ACSS2: variants seen among roughly 807,000 people sequenced by gnomAD.
ACSS2 encodes the protein acyl-CoA synthetase short chain family member 2.
A neutral mutation model predicts 90.6 loss-of-function variants in ACSS2; 58 were observed. That is an observed-to-expected ratio of 0.64 (90% CI 0.52 to 0.80). ACSS2 has a LOEUF of 0.80. ACSS2 is among the 30% of genes least tolerant of loss of function. The pLI is 0.00. For missense variants in ACSS2, 759 were observed against 912.0 expected (o/e 0.83, Z 2.16); for synonymous variants, 300 against 330.9 (o/e 0.91, Z 1.01).
Position 34,914,512 on chromosome 20 carries a change from CCTT to C in ACSS2, c.834+79_834+81del, listed in dbSNP as rs1416147762. The C allele has an allele frequency of 7.9e-6, 10 of 1,269,012 alleles. No homozygotes were observed. In the African/African-American group the frequency reaches 1.3e-4, roughly 17 times the overall value. 78.6% of individuals were successfully genotyped at this position (1,269,012 alleles called of 1,614,324 possible). A position where few individuals can be genotyped will look rare whatever the true frequency, so the allele number is the denominator to read the frequency against. Reference sequence around the variant, plus strand: ...TTCCTGCCTAGAAAATTCTTGATGTCCTTCTTTGCCTGCTCATCAGTATACTGA... The same window carrying C: ...TTCCTGCCTAGAAAATTCTTGATGTCCTTTGCCTGCTCATCAGTATACTGA... On this transcript the variant is annotated intron_variant, in intron 7 of 17. Coordinates refer to ENST00000360596, the MANE Select transcript of ACSS2 (RefSeq NM_018677.4).
chr20:34,903,799 G>A (rs1335171053), intron 2 of ACSS2, among the ~76,000 whole-genome samples: 3 of 151,218 alleles, frequency 2.0e-5, no homozygotes, highest in Non-Finnish European at 2.9e-5. Flanking sequence ...CTACTCTGGA[G>A]GCTGAGGTGG....
chr20:34,896,891 G>T (rs1337264013), intron 2 of ACSS2, among the ~76,000 whole-genome samples: 1 of 152,196 alleles, frequency 6.6e-6, no homozygotes, highest in Non-Finnish European at 1.5e-5. Flanking sequence ...AAATTAGCCT[G>T]TGGTGGCGGG....
intron 8 of ACSS2, 67 bp downstream of exon 8, chr20:34,919,639 G>A (rs1160175897): frequency 1.5e-5 from 22 of 1,510,908 alleles, no homozygotes; most frequent in Non-Finnish European, 2.0e-5. Flanking sequence ...GGGGTAAGAA[G>A]TAAGTTTCTG....
intron 16 of ACSS2, 60 bp downstream of exon 16, chr20:34,926,341 C>T: frequency 6.4e-7 from 1 of 1,563,578 alleles, no homozygotes; most frequent in East Asian, 2.3e-5. Context: ...GTTATCACTG[C>T]AAGTTGTTGG....
chr20:34,913,001 C>A, intron 2 of ACSS2, 95 bp from the exon 3 acceptor site: 1 of 945,852 alleles, frequency 1.1e-6, no homozygotes, highest in Non-Finnish European at 1.7e-6. Context: ...AGTTCCAGGC[C>A]TTAGTGTCAC....
chr20:34,926,418 C>A (rs188382128), intron 16 of ACSS2, 137 bp downstream of exon 16: 8,206 of 770,626 alleles, frequency 0.011, 79 homozygotes, highest in Non-Finnish European at 0.014. Context: ...GGGCTGATTG[C>A]CCTCTTCCTG....
intron 1 of ACSS2, among the ~76,000 whole-genome samples, chr20:34,878,836 C>G (rs2079988174): frequency 6.6e-6 from 1 of 151,300 alleles, no homozygotes; most frequent in South Asian, 2.1e-4. Flanking sequence ...TCATATGTCA[C>G]TGCAAAAACT....
At chr20:34,884,431 C>A (rs1326793739) in intron 2 of ACSS2, among the ~76,000 whole-genome samples, 1 of 152,212 alleles carries the variant, frequency 6.6e-6, no homozygotes, top group East Asian at 1.9e-4. Context: ...TGTTATATAA[C>A]CACAGACAAG....
intron 8 of ACSS2, 64 bp from the exon 9 acceptor site, chr20:34,920,475 C>G: frequency 6.5e-7 from 1 of 1,529,814 alleles, no homozygotes; most frequent in East Asian, 2.3e-5. Flanking sequence ...CTCTGCCCAG[C>G]CTCCATTTGG....
intron 2 of ACSS2, among the ~76,000 whole-genome samples, chr20:34,883,283 C>T (rs2080110420): frequency 6.6e-6 from 1 of 152,194 alleles, no homozygotes; most frequent in African/African-American, 2.4e-5. Flanking sequence ...CTCATTCTTG[C>T]TTTGGAAGAC....
chr20:34,909,003 TA>T, intron 2 of ACSS2: 1 of 420,432 alleles, frequency 2.4e-6, no homozygotes, highest in South Asian at 1.8e-5. Context: ...TTAAATAAAT[TA>T]CAGTACATAC....
chr20:34,875,039 A>G (rs45606744), upstream of ACSS2: 12,400 of 534,494 alleles, frequency 0.023, 256 homozygotes, highest in Middle Eastern at 0.04. Flanking sequence ...TTCAGGCCTC[A>G]GAATCACTCT....
At chr20:34,895,343 C>T (rs900137998) in intron 2 of ACSS2, among the ~76,000 whole-genome samples, 1 of 152,140 alleles carries the variant, frequency 6.6e-6, no homozygotes, top group Non-Finnish European at 1.5e-5. Context: ...TTTTGCATAG[C>T]CAGTTATCAC....
chr20:34,882,756 G>T (rs1301105865), intron 1 of ACSS2, 38 bp from the exon 2 acceptor site: 12 of 1,596,910 alleles, frequency 7.5e-6, no homozygotes, highest in Non-Finnish European at 1.0e-5. Flanking sequence ...ATATGTCTCA[G>T]AAGATTAATG....
intron 2 of ACSS2, among the ~76,000 whole-genome samples, 198 bp from the exon 3 acceptor site, chr20:34,912,898 A>G (rs1439973113): frequency 6.6e-6 from 1 of 152,254 alleles, no homozygotes; most frequent in Non-Finnish European, 1.5e-5. Flanking sequence ...ACATGTGTAT[A>G]AAATATCTTG....
chr20:34,900,964 A>G (rs1328749570), intron 2 of ACSS2, among the ~76,000 whole-genome samples: 6 of 152,334 alleles, frequency 3.9e-5, no homozygotes. Flanking sequence ...TTTAGACTCA[A>G]GAACTGTGCT....
intron 2 of ACSS2, among the ~76,000 whole-genome samples, chr20:34,887,436 A>C (rs1222458836): frequency 6.6e-6 from 1 of 152,254 alleles, no homozygotes; most frequent in African/African-American, 2.4e-5. Context: ...TTTACATTCT[A>C]TTTGGAAAGA....
chr20:34,876,689 G>A lies in ACSS2; in HGVS notation c.44G>A (p.Arg15Gln). The A allele has an allele frequency of 7.0e-7, 1 of 1,420,726 alleles. No individual in the cohort carries two copies. Among genetic ancestry groups the A allele is most frequent in the Non-Finnish European group, 9.3e-7 (1 of 1,079,596 alleles). 88.0% of individuals were successfully genotyped at this position (1,420,726 alleles called of 1,614,324 possible). A position where few individuals can be genotyped will look rare whatever the true frequency, so the allele number is the denominator to read the frequency against. The change falls in exon 1 of 18, where the codon CGG becomes CAG. Residue 15 changes from arginine to glutamine, a missense_variant. Arg to Gln is a conservative substitution (Grantham distance 43). Transcript: ENST00000360596. The part of the protein sequence containing the change: ...EERVRSGSGS[R>Q]GQEEAGAGGR... Reference sequence around the variant, plus strand: ...CGGGTCCGGAGCGGCAGCGGGAGCCGGGGCCAGGAGGAAGCTGGAGCCGGA... The same window carrying A: ...CGGGTCCGGAGCGGCAGCGGGAGCCAGGGCCAGGAGGAAGCTGGAGCCGGA...
At chr20:34,897,958 C>T (rs1194213609) in intron 2 of ACSS2, among the ~76,000 whole-genome samples, 1 of 152,168 alleles carries the variant, frequency 6.6e-6, no homozygotes, top group Non-Finnish European at 1.5e-5. Flanking sequence ...TCACTGACTT[C>T]AAGAATGAAG....
Sources: gnomAD v4.1 joint callset for allele counts (sites outside exome capture counted in the v4.1 genomes callset) on GRCh38, gnomAD v4.1.1 for gene constraint, MANE v1.5 for transcripts, NCBI Gene and HGNC (gene_info 2026-07-23, HGNC 2026-07-21) for gene names.